The following KCNB2 variants were observed in gnomAD, a reference collection of about 807,000 sequenced individuals.
KCNB2 encodes the protein delayed rectifier potassium channel protein.
Under a neutral mutation model 61.5 loss-of-function variants are expected in KCNB2, and 15 were observed. The ratio of observed to expected loss-of-function variants is 0.24; its 90% CI spans 0.16 to 0.38. The LOEUF (loss-of-function observed/expected upper bound fraction) is 0.38, where lower values mean the gene tolerates loss of function less well. Ranked by LOEUF, KCNB2 falls within the 10% of genes least tolerant of loss-of-function variation. The pLI is 1.00. For synonymous variants in KCNB2, 457 were observed against 446.0 expected (o/e 1.02, Z -0.31); for missense variants, 828 against 1,125.2 (o/e 0.74, Z 3.78).
At chr8:72,679,382 C>T (rs1223262335) in intron 2 of KCNB2, among the ~76,000 whole-genome samples, 1 of 152,164 alleles carries the variant, frequency 6.6e-6, no homozygotes, top group Non-Finnish European at 1.5e-5. Context: ...CTGGCAAGAG[C>T]CTTTCATCAC....
At chr8:72,567,262 T>C (rs1370284192) in intron 1 of KCNB2, among the ~76,000 whole-genome samples, 1 of 151,972 alleles carries the variant, frequency 6.6e-6, no homozygotes, top group African/African-American at 2.4e-5. Flanking sequence ...CAGTGAGCTG[T>C]GATGGTGCCA....
intron 2 of KCNB2, among the ~76,000 whole-genome samples, chr8:72,738,831 G>C (rs911708975): frequency 1.3e-5 from 2 of 152,048 alleles, no homozygotes; most frequent in Non-Finnish European, 2.9e-5. Context: ...AAGTTTAAAA[G>C]AGTTTTATCA....
intron 2 of KCNB2, among the ~76,000 whole-genome samples, chr8:72,582,111 C>T (rs765144111): frequency 1.8e-4 from 27 of 152,220 alleles, no homozygotes; most frequent in Non-Finnish European, 3.4e-4. Context: ...AACACCCCCA[C>T]ATATAAGTTA....
intron 2 of KCNB2, among the ~76,000 whole-genome samples, chr8:72,845,752 C>T (rs1809979111): frequency 6.9e-6 from 1 of 145,704 alleles, no homozygotes; most frequent in African/African-American, 2.5e-5. Context: ...GGGAAAATCA[C>T]CTACTCAAGC....
chr8:72,906,914 CATTA>C (rs1216029423), intron 2 of KCNB2, among the ~76,000 whole-genome samples: 4 of 152,128 alleles, frequency 2.6e-5, no homozygotes, highest in African/African-American at 4.8e-5. Flanking sequence ...AGAACATTTC[CATTA>C]ATAGCAGAGA....
intron 2 of KCNB2, among the ~76,000 whole-genome samples, chr8:72,908,159 AC>A: frequency 6.6e-6 from 1 of 152,196 alleles, no homozygotes; most frequent in Middle Eastern, 3.4e-3. Flanking sequence ...TTGTGCATGC[AC>A]TGGAGAGATC....
chr8:72,572,070 A>T (rs1174574219), intron 2 of KCNB2, among the ~76,000 whole-genome samples: 1 of 152,274 alleles, frequency 6.6e-6, no homozygotes, highest in East Asian at 1.9e-4. Context: ...GGATGAAACA[A>T]CAATCAGGAA....
intron 2 of KCNB2, among the ~76,000 whole-genome samples, chr8:72,754,177 G>A (rs900181937): frequency 6.6e-6 from 1 of 152,114 alleles, no homozygotes; most frequent in African/African-American, 2.4e-5. Flanking sequence ...ATTGTAACAG[G>A]CCAATTGGGG....
chr8:72,703,797 T>C (rs891325282), intron 2 of KCNB2, among the ~76,000 whole-genome samples: 1 of 152,182 alleles, frequency 6.6e-6, no homozygotes, highest in Admixed American at 6.5e-5. Flanking sequence ...TGTGAAGTCA[T>C]TGAATGCCAT....
intron 2 of KCNB2, among the ~76,000 whole-genome samples, chr8:72,720,180 G>A (rs1263156703): frequency 2.6e-5 from 4 of 152,120 alleles, no homozygotes; most frequent in African/African-American, 7.2e-5. Context: ...ACTAAGTCCC[G>A]ATCTCTCAAG....
intron 2 of KCNB2, among the ~76,000 whole-genome samples, chr8:72,744,253 A>G (rs1808019376): frequency 1.3e-5 from 2 of 152,180 alleles, no homozygotes; most frequent in South Asian, 4.1e-4. Flanking sequence ...GCTCTTTCAT[A>G]TGTGTATGTG....
intron 2 of KCNB2, among the ~76,000 whole-genome samples, chr8:72,663,538 A>G (rs759486454): frequency 6.6e-6 from 1 of 152,194 alleles, no homozygotes; most frequent in Non-Finnish European, 1.5e-5. Flanking sequence ...CACCACTCCC[A>G]CCCTACTTAA....
intron 2 of KCNB2, among the ~76,000 whole-genome samples, chr8:72,721,883 A>G (rs1179348226): frequency 6.6e-6 from 1 of 152,146 alleles, no homozygotes; most frequent in Admixed American, 6.5e-5. Context: ...AGACCTAAAT[A>G]TACAGCCGCC....
At chr8:72,861,669 T>C (rs1805417210) in intron 2 of KCNB2, among the ~76,000 whole-genome samples, 1 of 152,160 alleles carries the variant, frequency 6.6e-6, no homozygotes, top group African/African-American at 2.4e-5. Context: ...AAACGTTCCC[T>C]GCCAAAAGGA....
intron 2 of KCNB2, among the ~76,000 whole-genome samples, chr8:72,587,025 T>G (rs914987578): frequency 3.3e-5 from 5 of 152,222 alleles, no homozygotes; most frequent in Admixed American, 3.3e-4. Context: ...AAGATGAATC[T>G]TAAATTTTCT....
chr8:72,678,648 C>G (rs907183976), intron 2 of KCNB2, among the ~76,000 whole-genome samples: 4 of 152,334 alleles, frequency 2.6e-5, no homozygotes, highest in Non-Finnish European at 4.4e-5. Context: ...TATTCTCTAT[C>G]CTTCTTGCCT....
chr8:72,539,328 GT>G (rs2128976273), intron 1 of KCNB2, among the ~76,000 whole-genome samples: 1 of 152,280 alleles, frequency 6.6e-6, no homozygotes, highest in South Asian at 2.1e-4. Context: ...AAGGTCCAAC[GT>G]AGAAATAACT....
At chr8:72,711,655 A>G (rs1807328787) in intron 2 of KCNB2, among the ~76,000 whole-genome samples, 1 of 152,236 alleles carries the variant, frequency 6.6e-6, no homozygotes, top group South Asian at 2.1e-4. Flanking sequence ...CAGCATGTCC[A>G]GAGGCCAAAC....
At chr8:72,783,610 T>C (rs532647852) in intron 2 of KCNB2, among the ~76,000 whole-genome samples, 76 of 152,262 alleles carry the variant, frequency 5.0e-4, no homozygotes, top group Admixed American at 2.9e-3. Context: ...TCTTCATCTC[T>C]ATCCCATTAA....
Sources: allele counts gnomAD v4.1 joint callset (sites outside exome capture counted in the v4.1 genomes callset), GRCh38; gene constraint gnomAD v4.1.1; transcripts MANE v1.5; gene names NCBI Gene and HGNC (gene_info 2026-07-23, HGNC 2026-07-21).